Variants in DLGAP2 observed in about 807,000 individuals in gnomAD.
DLGAP2 encodes disks large-associated protein 2.
In DLGAP2, 26 loss-of-function variants were observed where a neutral mutation model predicts 100.3. The ratio of observed to expected loss-of-function variants is 0.26; its 90% CI spans 0.19 to 0.36. The LOEUF is 0.36. Ranked by LOEUF, DLGAP2 falls within the 10% of genes least tolerant of loss-of-function variation. The probability of loss-of-function intolerance (pLI) is 1.00; values close to 1 mark genes in which losing one functional copy is unlikely to be tolerated. For missense variants in DLGAP2, 1,858 were observed against 1,453.2 expected, an observed-to-expected ratio of 1.28 and a Z score of -4.53; for synonymous variants, 886 against 630.1, an observed-to-expected ratio of 1.41 and a Z score of -6.08.
intron 10 of DLGAP2, among the ~76,000 whole-genome samples, chr8:1,671,474 C>T (rs1453143706): frequency 2.0e-5 from 3 of 152,224 alleles, no homozygotes; most frequent in African/African-American, 7.2e-5. Context: ...CTGTGGAGCT[C>T]ACGCCCTCTG....
rs533738762 is a variant in DLGAP2, at chr8:1,375,091, A to G, written c.106+116208A>G. ...CTTAACATCACCTCTCCACGACCTCAGAACTGAGCCCCCACCTCCTACATT... is the reference window on the plus strand; with the variant it reads ...CTTAACATCACCTCTCCACGACCTCGGAACTGAGCCCCCACCTCCTACATT... On this transcript the variant is annotated intron_variant, in intron 3 of 14. Coordinates refer to ENST00000637795, the MANE Select transcript of DLGAP2 (RefSeq NM_001346810.2). Among the ~76,000 whole-genome samples the G allele has an allele frequency of 2.2e-4, 33 of 147,728 alleles. No homozygotes were observed. In the South Asian group the frequency reaches 3.7e-3, roughly 17 times the overall value.
At chr8:1,216,627 C>G (rs56022026) in intron 2 of DLGAP2, among the ~76,000 whole-genome samples, 18,281 of 152,096 alleles carry the variant, frequency 0.12, 1,289 homozygotes, top group East Asian at 0.25. Flanking sequence ...TGAGCTACCA[C>G]ATCCTGCCCT....
chr8:1,614,831 C>T (rs530213166), intron 6 of DLGAP2, among the ~76,000 whole-genome samples: 1 of 142,398 alleles, frequency 7.0e-6, no homozygotes, highest in Non-Finnish European at 1.5e-5. Flanking sequence ...CCCACACACA[C>T]ATGCATTGCA....
intron 1 of DLGAP2, among the ~76,000 whole-genome samples, chr8:837,315 G>C (rs1796898001): frequency 6.6e-6 from 1 of 152,226 alleles, no homozygotes; most frequent in South Asian, 2.1e-4. Context: ...TGTGGATAAG[G>C]AGTGTGTCAT....
intron 5 of DLGAP2, among the ~76,000 whole-genome samples, chr8:1,559,622 A>G (rs1802091746): frequency 6.6e-6 from 1 of 152,232 alleles, no homozygotes; most frequent in African/African-American, 2.4e-5. Context: ...TGAAGAAAAA[A>G]ATCTTTACTT....
chr8:1,700,594 G>T (rs189918210), intron 14 of DLGAP2, among the ~76,000 whole-genome samples: 2 of 151,092 alleles, frequency 1.3e-5, no homozygotes, highest in African/African-American at 2.5e-5. Flanking sequence ...CTGAGCTAAG[G>T]GTGAGAAATA....
intron 3 of DLGAP2, among the ~76,000 whole-genome samples, chr8:1,390,242 G>C (rs1321196176): frequency 6.6e-6 from 1 of 152,130 alleles, no homozygotes; most frequent in African/African-American, 2.4e-5. Flanking sequence ...CCAGATGGGA[G>C]CCTCTCATCT....
At chr8:1,209,645 T>C (rs1027746903) in intron 2 of DLGAP2, among the ~76,000 whole-genome samples, 1 of 152,250 alleles carries the variant, frequency 6.6e-6, no homozygotes, top group Non-Finnish European at 1.5e-5. Context: ...GGTGATGTCA[T>C]GAGAGTAACC....
chr8:844,501 A>G (rs1488090568), intron 1 of DLGAP2, among the ~76,000 whole-genome samples: 1 of 151,928 alleles, frequency 6.6e-6, no homozygotes, highest in African/African-American at 2.4e-5. Context: ...GTCTCTCTCG[A>G]CCCCCTTTCC....
chr8:1,333,250 G>A (rs994377072), intron 3 of DLGAP2, among the ~76,000 whole-genome samples: 8 of 152,122 alleles, frequency 5.3e-5, no homozygotes, highest in Admixed American at 2.0e-4. Flanking sequence ...GGCCAGGGGA[G>A]CAGAGCCCAT....
At chr8:1,237,037 C>G (rs1462052248) in intron 2 of DLGAP2, among the ~76,000 whole-genome samples, 2 of 147,656 alleles carry the variant, frequency 1.4e-5, no homozygotes, top group East Asian at 2.0e-4. Flanking sequence ...AGCATCGTGT[C>G]TAGTTCTCTC....
chr8:1,255,837 G>T (rs1799193404), intron 2 of DLGAP2, among the ~76,000 whole-genome samples: 1 of 130,710 alleles, frequency 7.7e-6, no homozygotes, highest in African/African-American at 3.4e-5. Context: ...GGTGCTGTGT[G>T]TGTGTCCTCT....
chr8:1,223,132 C>T (rs1016412318), intron 2 of DLGAP2, among the ~76,000 whole-genome samples: 3 of 152,146 alleles, frequency 2.0e-5, no homozygotes, highest in Admixed American at 6.5e-5. Context: ...AAGAGTGGGC[C>T]ACTCCATGCC....
At chr8:805,955 G>T (rs1005127742) in intron 1 of DLGAP2, among the ~76,000 whole-genome samples, 3 of 152,230 alleles carry the variant, frequency 2.0e-5, no homozygotes, top group African/African-American at 7.2e-5. Context: ...TTTCAACTTG[G>T]TCTGTGAGTT....
chr8:1,638,615 G>A (rs944385069), intron 8 of DLGAP2, among the ~76,000 whole-genome samples: 1 of 152,140 alleles, frequency 6.6e-6, no homozygotes, highest in Non-Finnish European at 1.5e-5. Context: ...GCTGTGCCAG[G>A]CACAGGTGCA....
At chr8:1,271,832 A>T (rs184259848) in intron 3 of DLGAP2, among the ~76,000 whole-genome samples, 23 of 152,300 alleles carry the variant, frequency 1.5e-4, no homozygotes. Context: ...TTATTTTTTA[A>T]GAGACAGACT....
chr8:1,266,585 C>T (rs969208139), intron 3 of DLGAP2, among the ~76,000 whole-genome samples: 1 of 152,246 alleles, frequency 6.6e-6, no homozygotes, highest in African/African-American at 2.4e-5. Flanking sequence ...CTTGCCCCTA[C>T]TGGTCTGTCC....
chr8:925,743 A>G (rs1241835239), intron 2 of DLGAP2, among the ~76,000 whole-genome samples: 1 of 152,154 alleles, frequency 6.6e-6, no homozygotes, highest in South Asian at 2.1e-4. Flanking sequence ...GAATTGGCTC[A>G]TGTGGTTATG....
At chr8:1,060,170 T>G (rs1243159377) in intron 2 of DLGAP2, among the ~76,000 whole-genome samples, 1 of 152,198 alleles carries the variant, frequency 6.6e-6, no homozygotes, top group African/African-American at 2.4e-5. Flanking sequence ...CTGCATCCGT[T>G]TCCCGTGGCC....
Sources: allele counts gnomAD v4.1 joint callset (sites outside exome capture counted in the v4.1 genomes callset), GRCh38; gene constraint gnomAD v4.1.1; transcripts MANE v1.5; gene names NCBI Gene and HGNC (gene_info 2026-07-23, HGNC 2026-07-21).